The following PRSS23 variants were observed in gnomAD, a reference collection of about 807,000 sequenced individuals.
The protein encoded by PRSS23 is serine protease 23.
Under a neutral mutation model 34.7 loss-of-function variants are expected in PRSS23, and 25 were observed. The observed-to-expected ratio is 0.72, with a 90% CI of 0.53 to 1.01. The LOEUF is 1.01. Among genes scored for constraint, PRSS23 ranks in the 50% least tolerant of loss-of-function variants. PRSS23 has a pLI of 0.00. For missense variants in PRSS23, 445 were observed against 475.6 expected, an observed-to-expected ratio of 0.94 and a Z score of 0.60; for synonymous variants, 176 against 186.6, an observed-to-expected ratio of 0.94 and a Z score of 0.46.
chr11:86,812,460 G>A (rs76116621), downstream of PRSS23, among the ~76,000 whole-genome samples: 2,035 of 152,286 alleles, frequency 0.013, 52 homozygotes, highest in African/African-American at 0.046. Context: ...GGTTCCCCCC[G>A]GAGGAGGAAA....
chr11:86,926,160 C>T (rs1364764115), intron 2 of PRSS23, among the ~76,000 whole-genome samples: 1 of 152,086 alleles, frequency 6.6e-6, no homozygotes, highest in Non-Finnish European at 1.5e-5. Flanking sequence ...ATCAGGAGTT[C>T]GAAACCAGCC....
intron 2 of PRSS23, among the ~76,000 whole-genome samples, chr11:86,843,672 T>A (rs990069541): frequency 6.6e-6 from 1 of 152,204 alleles, no homozygotes; most frequent in Non-Finnish European, 1.5e-5. Context: ...AAAAAGCTCA[T>A]CATCACTTGT....
intron 2 of PRSS23, chr11:86,911,485 C>T (rs962346597): frequency 1.3e-5 from 2 of 152,088 alleles, no homozygotes; most frequent in East Asian, 1.9e-4. Flanking sequence ...ATCCTCCTCC[C>T]TTTTGGAGTC....
At chr11:86,875,193 T>C (rs1948714418) in intron 2 of PRSS23, among the ~76,000 whole-genome samples, 1 of 152,128 alleles carries the variant, frequency 6.6e-6, no homozygotes, top group African/African-American at 2.4e-5. Flanking sequence ...TGAGAAAGAA[T>C]TTATAGGCAT....
rs909411584 is a variant in PRSS23 at position 86,808,663 on chromosome 11, T to C, written c.1020T>C (p.Phe340=). The change falls in exon 2 of 2, where the codon TTT becomes TTC. Residue 340 remains phenylalanine (F), a synonymous_variant. Coordinates refer to ENST00000280258, the MANE Select transcript of PRSS23 (RefSeq NM_007173.6). ...QKWERKIIGI[F]SGHQWVDMNG... ...GGGAGCGAAAAATTATTGGCATTTT[T>C]TCAGGGCACCAGTGGGTGGACATGA... is the stretch of plus-strand genomic sequence containing the variant. 1 of 1,614,194 alleles carries C rather than the reference T, an allele frequency of 6.2e-7. No individual in the cohort carries two copies. Among genetic ancestry groups the C allele is most frequent in the Admixed American group, 1.7e-5 (1 of 60,028 alleles).
intron 1 of PRSS23, among the ~76,000 whole-genome samples, chr11:86,792,621 C>T (rs574731261): frequency 2.0e-5 from 3 of 152,196 alleles, no homozygotes; most frequent in Non-Finnish European, 2.9e-5. Context: ...GAAAATAAAA[C>T]GAATAAAATT....
chr11:86,861,182 T>TCGCGGGGGGTGTC (rs1948610990), intron 2 of PRSS23, among the ~76,000 whole-genome samples: 1 of 150,650 alleles, frequency 6.6e-6, no homozygotes, highest in Non-Finnish European at 1.5e-5. Context: ...ACTCCCCATG[T>TCGCGGGGGGTGTC]CACGGGGGGT....
downstream of PRSS23, among the ~76,000 whole-genome samples, chr11:86,811,741 T>C (rs1462944333): frequency 6.6e-6 from 1 of 152,106 alleles, no homozygotes; most frequent in Non-Finnish European, 1.5e-5. Flanking sequence ...GCCTGGATCA[T>C]GTATTCAAGG....
At chr11:86,818,069 G>A (rs1177379788) in intron 1 of PRSS23, among the ~76,000 whole-genome samples, 2 of 152,190 alleles carry the variant, frequency 1.3e-5, no homozygotes, top group South Asian at 2.1e-4. Context: ...TTTGATCCTT[G>A]ATGAAGAGGC....
At chr11:86,834,525 C>T (rs1053598978) in intron 2 of PRSS23, among the ~76,000 whole-genome samples, 18 of 141,170 alleles carry the variant, frequency 1.3e-4, no homozygotes, top group Non-Finnish European at 2.7e-4. Context: ...CCTTTCCTTT[C>T]CTTTCCTTTC....
intron 2 of PRSS23, among the ~76,000 whole-genome samples, chr11:86,868,818 CTGTT>C (rs1176835209): frequency 1.3e-5 from 2 of 152,056 alleles, no homozygotes; most frequent in Non-Finnish European, 2.9e-5. Context: ...GTATAAATTT[CTGTT>C]TGTTTTTGAG....
At chr11:86,815,663 C>A (rs1029830914), downstream of PRSS23, among the ~76,000 whole-genome samples, 1 of 152,204 alleles carries the variant, frequency 6.6e-6, no homozygotes, top group African/African-American at 2.4e-5. Context: ...AGAGCAGGGG[C>A]TGAGTTCTGT....
chr11:86,863,880 T>G (rs1482766176), intron 2 of PRSS23, among the ~76,000 whole-genome samples: 3 of 152,252 alleles, frequency 2.0e-5, no homozygotes, highest in African/African-American at 4.8e-5. Context: ...TCTCTAATTC[T>G]GCATTGTGTT....
intron 2 of PRSS23, chr11:86,936,132 A>G (rs1349755782): frequency 2.0e-5 from 3 of 152,170 alleles, no homozygotes; most frequent in Admixed American, 2.0e-4. Context: ...CATGCTTCAC[A>G]TGTAGGATTT....
At chr11:86,829,976 C>T (rs568441881) in intron 2 of PRSS23, among the ~76,000 whole-genome samples, 1 of 152,334 alleles carries the variant, frequency 6.6e-6, no homozygotes, top group Non-Finnish European at 1.5e-5. Context: ...TGCCCGTCCT[C>T]AGATCTCCAG....
upstream of PRSS23, among the ~76,000 whole-genome samples, chr11:86,799,137 A>AATACTTGCTGAGAAGGGAGG (rs1465105072): frequency 1.3e-5 from 2 of 152,218 alleles, no homozygotes; most frequent in African/African-American, 4.8e-5. Context: ...TCACGCGTGT[A>AATACTTGCTGAGAAGGGAGG]ATACTTGCTG....
chr11:86,835,445 T>C (rs1488997402), intron 2 of PRSS23, among the ~76,000 whole-genome samples: 1 of 152,236 alleles, frequency 6.6e-6, no homozygotes, highest in Non-Finnish European at 1.5e-5. Context: ...TCTTGCCCCG[T>C]TGGCAAGCTT....
intron 1 of PRSS23, among the ~76,000 whole-genome samples, chr11:86,819,563 G>A (rs28517777): frequency 0.14 from 21,569 of 152,074 alleles, 2,059 homozygotes; most frequent in East Asian, 0.41. Flanking sequence ...GGCTTCTTAA[G>A]AGATAGTGGG....
rs150639852 is a variant in PRSS23, at chr11:86,931,491, G to A, written c.207-19725G>A. Among the ~76,000 whole-genome samples, 22 of 152,232 alleles carry A rather than the reference G, an allele frequency of 1.4e-4. No homozygotes were observed. The East Asian group carries it at 4.0e-3, about 28-fold the overall frequency. On this transcript the variant is annotated intron_variant, in intron 2 of 2. Coordinates refer to the PRSS23 transcript ENST00000533902. The stretch of plus-strand genomic sequence containing the variant: ...AAAAAAGCACAGATGTGTACATACT[G>A]TATGATTCCAATGATATGAAATGAA...
Sources: allele counts gnomAD v4.1 joint callset (sites outside exome capture counted in the v4.1 genomes callset), GRCh38; gene constraint gnomAD v4.1.1; transcripts MANE v1.5; gene names NCBI Gene and HGNC (gene_info 2026-07-23, HGNC 2026-07-21).